The following TLR9 variants were observed in gnomAD, a reference collection of about 807,000 sequenced individuals.
TLR9 encodes toll-like receptor 9.
TLR9 carries 19 observed loss-of-function variants against 24.6 expected under a neutral mutation model. That is an observed-to-expected ratio of 0.77 (90% CI 0.54 to 1.13). The LOEUF is 1.13. Ranked by LOEUF, TLR9 falls within the 50% of genes most tolerant of loss-of-function variation. The pLI is 0.00. For synonymous variants in TLR9, 579 were observed against 609.8 expected (o/e 0.95, Z 0.74); for missense variants, 1,065 against 1,379.6 (o/e 0.77, Z 3.61).
At position 52,221,347 on chromosome 3, in the gene TLR9, T is replaced by C. The variant is rs200488254; in HGVS notation, c.2969A>G (p.Gln990Arg). Residue 990 changes from glutamine (Q) to arginine (R), a missense_variant, in exon 2 of 2, where the codon CAG becomes CGG. Transcript: ENST00000360658. The surrounding 1 kb of genome is among the most constrained non-coding windows in gnomAD (Gnocchi z 9.9). ...YVRLRQRLCRQSVLLWPHQPS... is the reference protein window; with the variant it reads ...YVRLRQRLCRRSVLLWPHQPS... ...CTGGTGGGGCCAGAGGAGGACACTC[T>C]GGCGGCAGAGGCGCTGGCGCAGCCG... The C allele has an allele frequency of 3.2e-6, 5 of 1,582,524 alleles. No individual in the cohort carries two copies. Among genetic ancestry groups the C allele is most frequent in the African/African-American group, 1.3e-5 (1 of 74,154 alleles).
Position 52,224,098 on chromosome 3 carries a change from T to C in TLR9, c.218A>G (p.Asn73Ser). 6.4e-7 allele frequency: 1 copy of C among 1,566,372 alleles called. No individual in the cohort carries two copies. The highest frequency in any genetic ancestry group is 1.2e-5 in the South Asian group (1 of 84,272). The change falls in exon 2 of 2, where the codon AAC (asparagine) becomes AGC (serine). Residue 73 changes from asparagine (N) to serine (S), a missense_variant. Transcript: ENST00000360658. ...AGAATCATGGAGGTGGTGGATGCGGTTGGAGGACAAGGAAAGGCTGGTGAC... is the reference window on the plus strand; with the variant it reads ...AGAATCATGGAGGTGGTGGATGCGGCTGGAGGACAAGGAAAGGCTGGTGAC... ...GNVTSLSLSS[N>S]RIHHLHDSDF...
In TLR9 at chr3:52,221,401, C is replaced by T. The variant is rs1418858521; in HGVS notation, c.2915G>A (p.Ser972Asn). The change falls in exon 2 of 2, where the codon AGC (serine) becomes AAC (asparagine). Residue 972 changes from serine to asparagine, a missense_variant. Transcript: ENST00000360658. This position sits in a 1 kb window ranked among gnomAD's most constrained non-coding sequence, Gnocchi z 9.9. ...RKDVVVLVIL[S>N]PDGRRSRYVR... ...GTAGCGGGAGCGGCGGCCGTCAGGG[C>T]TCAGGATCACCAGCACCACGACGTC... 1.6e-5 allele frequency: 26 copies of T among 1,596,506 alleles called. No homozygotes were observed. The highest frequency in any genetic ancestry group is 2.1e-5 in the Non-Finnish European group (24 of 1,169,496).
At position 52,222,812 on chromosome 3, in the gene TLR9, G is replaced by T; in HGVS notation, c.1504C>A (p.Arg502Ser). 6.2e-7 allele frequency: 1 copy of T among 1,614,036 alleles called. No individual in the cohort carries two copies. The highest frequency in any genetic ancestry group is 8.5e-7 in the Non-Finnish European group (1 of 1,179,958). ...FAQLSHLQCLRLSHNCISQAV... is the reference protein window; with the variant it reads ...FAQLSHLQCLSLSHNCISQAV... The stretch of plus-strand genomic sequence containing the variant: ...TGCGAGATGCAGTTGTGGCTCAGGC[G>T]CAGGCACTGCAGGTGCGAGAGCTGG... Residue 502 changes from arginine (R) to serine (S), a missense_variant, in exon 2 of 2, where the codon CGC becomes AGC. By Grantham distance (110) the Arg-to-Ser change is moderately radical. Coordinates refer to ENST00000360658, the MANE Select transcript of TLR9 (RefSeq NM_017442.4).
Position 52,222,555 on chromosome 3 carries a change from G to C in TLR9, c.1761C>G (p.Ile587Met). The C allele has an allele frequency of 1.2e-6, 2 of 1,614,208 alleles. No individual in the cohort carries two copies. The highest frequency in any genetic ancestry group is 1.7e-6 in the Non-Finnish European group (2 of 1,180,038). ...LRHLSLAHNN[I>M]HSQVSQQLCS... ...AGAGCTGCTGGGACACTTGGCTGTGGATGTTGTTGTGGGCCAGGCTGAGGT... is the reference window on the plus strand; with the variant it reads ...AGAGCTGCTGGGACACTTGGCTGTGCATGTTGTTGTGGGCCAGGCTGAGGT... The change falls in exon 2 of 2, where the codon ATC (isoleucine) becomes ATG (methionine). Residue 587 changes from isoleucine (I) to methionine (M), a missense_variant. By Grantham distance (10) the Ile-to-Met change is conservative. Coordinates refer to ENST00000360658, the MANE Select transcript of TLR9 (RefSeq NM_017442.4).
chr3:52,222,380 G>C lies in TLR9; in HGVS notation c.1936C>G (p.Gln646Glu). 2 of 1,614,214 alleles carry C rather than the reference G, an allele frequency of 1.2e-6. No individual in the cohort carries two copies. Among genetic ancestry groups the C allele is most frequent in the Non-Finnish European group, 8.5e-7 (1 of 1,180,036 alleles). ...SQNRLHTLLP[Q>E]TLRNLPKSLQ... is the part of the protein sequence containing the mutation. ...CTCTTGGGGAGGTTGCGCAGGGTTT[G>C]GGGCAGGAGGGTGTGCAGGCGGTTC... Residue 646 changes from glutamine (Q) to glutamate (E), a missense_variant, in exon 2 of 2, where the codon CAA becomes GAA. Coordinates refer to ENST00000360658, the MANE Select transcript of TLR9 (RefSeq NM_017442.4).
At position 52,222,610 on chromosome 3, in the gene TLR9, C is replaced by T. The variant is rs751217567; in HGVS notation, c.1706G>A (p.Ser569Asn). 1 of 1,614,124 alleles carries T rather than the reference C, an allele frequency of 6.2e-7. No homozygotes were observed. Among genetic ancestry groups the T allele is most frequent in the Non-Finnish European group, 8.5e-7 (1 of 1,180,032 alleles). The change falls in exon 2 of 2, where the codon AGC (serine) becomes AAC (asparagine). Residue 569 changes from serine (S) to asparagine (N), a missense_variant. Ser to Asn is a conservative substitution (Grantham distance 46). Coordinates refer to ENST00000360658, the MANE Select transcript of TLR9 (RefSeq NM_017442.4). Reference protein sequence around the residue: ...FGMQGVGHNFSFVAHLRTLRH... With the variant: ...FGMQGVGHNFNFVAHLRTLRH... ...CAGGGTGCGCAGGTGAGCCACGAAG[C>T]TGAAGTTGTGGCCCACGCCCTGCAT...
Position 52,223,972 on chromosome 3 carries a change from T to C in TLR9, c.344A>G (p.Glu115Gly). The C allele has an allele frequency of 6.3e-7, 1 of 1,594,536 alleles. No individual in the cohort carries two copies. The highest frequency in any genetic ancestry group is 8.6e-7 in the Non-Finnish European group (1 of 1,167,082). ...PMHFPCHMTI[E>G]PSTFLAVPTL... ...GGGCACAGCCAAGAAGGTGCTGGGCTCGATGGTCATGTGGCAGGGGAAGTG... is the reference window on the plus strand; with the variant it reads ...GGGCACAGCCAAGAAGGTGCTGGGCCCGATGGTCATGTGGCAGGGGAAGTG... The change falls in exon 2 of 2, where the codon GAG becomes GGG. Residue 115 changes from glutamate (E) to glycine (G), a missense_variant. Transcript: ENST00000360658.
rs1198423186 is a variant in TLR9 at position 52,221,711 on chromosome 3, G to C, written c.2605C>G (p.Pro869Ala). ...RQSGRDEDAL[P>A]YDAFVVFDKT... Reference sequence around the variant, plus strand: ...TCGAAGACCACGAAGGCATCGTAGGGCAGGGCATCCTCATCTCGCCCACTT... The same window carrying C: ...TCGAAGACCACGAAGGCATCGTAGGCCAGGGCATCCTCATCTCGCCCACTT... The change falls in exon 2 of 2, where the codon CCC becomes GCC. Residue 869 changes from proline to alanine, a missense_variant. Transcript: ENST00000360658. This position sits in a 1 kb window ranked among gnomAD's most constrained non-coding sequence, Gnocchi z 9.9. The C allele has an allele frequency of 6.2e-7, 1 of 1,613,954 alleles. No individual in the cohort carries two copies. The highest frequency in any genetic ancestry group is 1.7e-5 in the Admixed American group (1 of 60,022).
chr3:52,223,662 C>T lies in TLR9; in HGVS notation c.654G>A (p.Leu218=). The T allele has an allele frequency of 6.3e-7, 1 of 1,594,342 alleles. No homozygotes were observed. Among genetic ancestry groups the T allele is most frequent in the Non-Finnish European group, 8.5e-7 (1 of 1,169,694 alleles). The change falls in exon 2 of 2, where the codon CTG becomes CTA. Residue 218 remains leucine, a synonymous_variant. Coordinates refer to ENST00000360658, the MANE Select transcript of TLR9 (RefSeq NM_017442.4). ...YNNLTVVPRN[L]PSSLEYLLLS... is the part of the protein sequence containing the mutation. ...ACAGCAGATACTCCAGGCTGGAAGG[C>T]AGGTTGCGGGGCACCACAGTGAGGT...
rs199821655 is a variant in TLR9 at position 52,221,505 on chromosome 3, C to G, written c.2811G>C (p.Leu937=). 4.3e-6 allele frequency: 7 copies of G among 1,612,976 alleles called. No homozygotes were observed. The South Asian group carries it at 7.7e-5, about 18-fold the overall frequency. ...GACCACTGACCCGGTCCGTGTGGGC[C>G]AGCACAAACAGCGTCTTGCGGCTGC... is the stretch of plus-strand genomic sequence containing the variant. ...VYGSRKTLFV[L]AHTDRVSGLL... Residue 937 remains leucine, a synonymous_variant, in exon 2 of 2, where the codon CTG becomes CTC. Coordinates refer to ENST00000360658, the MANE Select transcript of TLR9 (RefSeq NM_017442.4). This position sits in a 1 kb window ranked among gnomAD's most constrained non-coding sequence, Gnocchi z 9.9.
chr3:52,223,866 G>A lies in TLR9; in HGVS notation c.450C>T (p.Leu150=). The change falls in exon 2 of 2, where the codon CTC becomes CTT. Residue 150 remains leucine (L), a synonymous_variant. Coordinates refer to ENST00000360658, the MANE Select transcript of TLR9 (RefSeq NM_017442.4). The part of the protein sequence containing the change: ...ALPKSLISLS[L]SHTNILMLDS... ...CTAGCATCAGGATGTTGGTATGGCT[G>A]AGGGACAGGGATATGAGGGATTTGG... 6.2e-7 allele frequency: 1 copy of A among 1,612,356 alleles called. No individual in the cohort carries two copies. Among genetic ancestry groups the A allele is most frequent in the Non-Finnish European group, 8.5e-7 (1 of 1,178,960 alleles).
rs905239094 is a variant in TLR9, at chr3:52,223,293, C to T, written c.1023G>A (p.Leu341=). 2 of 1,614,082 alleles carry T rather than the reference C, an allele frequency of 1.2e-6. No individual in the cohort carries two copies. The highest frequency in any genetic ancestry group is 2.7e-5 in the African/African-American group (2 of 74,924). ...QGLTQLRKLN[L]SFNYQKRVSF... is the part of the protein sequence containing the mutation. ...ACACCCTCTTTTGGTAATTGAAGGA[C>T]AGGTTAAGCTTGCGCAGCTGTGTTA... is the stretch of plus-strand genomic sequence containing the variant. The change falls in exon 2 of 2, where the codon CTG becomes CTA. Residue 341 remains leucine, a synonymous_variant. Transcript: ENST00000360658.
In TLR9 at chr3:52,223,770, G is replaced by T. The variant is rs749405730; in HGVS notation, c.546C>A (p.Asn182Lys). 6.4e-7 allele frequency: 1 copy of T among 1,574,406 alleles called. No homozygotes were observed. The highest frequency in any genetic ancestry group is 1.2e-5 in the South Asian group (1 of 85,000). Residue 182 changes from asparagine (N) to lysine (K), a missense_variant, in exon 2 of 2, where the codon AAC (asparagine) becomes AAA (lysine). Transcript: ENST00000360658. The stretch of plus-strand genomic sequence containing the variant: ...CCACCTCCAGTGCCTGCCTGCAGGG[G>T]TTCTTGTAATAACAGTTGCCGTCCA... ...LFMDGNCYYK[N>K]PCRQALEVAP...
In TLR9 at chr3:52,224,311, C is replaced by A; in HGVS notation, c.5G>T (p.Gly2Val). 1 of 1,569,980 alleles carries A rather than the reference C, an allele frequency of 6.4e-7. No individual in the cohort carries two copies. The highest frequency in any genetic ancestry group is 8.6e-7 in the Non-Finnish European group (1 of 1,157,994). ...CGGGTGCAGGGCGCTGCGGCAGAAA[C>A]CCTGTGGGGGTGGGAGGGCTGTGTG... is the stretch of plus-strand genomic sequence containing the variant. MGFCRSALHPLS... is the reference protein window; with the variant it reads MVFCRSALHPLS... The change falls in exon 2 of 2, where the codon GGT becomes GTT. Residue 2 changes from glycine (G) to valine (V), a missense_variant and splice_region_variant. Transcript: ENST00000360658.
At position 52,223,751 on chromosome 3, in the gene TLR9, C is replaced by G; in HGVS notation, c.565G>C (p.Glu189Gln). The part of the protein sequence containing the change: ...YYKNPCRQAL[E>Q]VAPGALLGLG... ...CCAAGGAGGGCACCCGGGGCCACCT[C>G]CAGTGCCTGCCTGCAGGGGTTCTTG... Residue 189 changes from glutamate (E) to glutamine (Q), a missense_variant, in exon 2 of 2, where the codon GAG (glutamate) becomes CAG (glutamine). Transcript: ENST00000360658. The G allele has an allele frequency of 1.3e-6, 2 of 1,568,396 alleles. No individual in the cohort carries two copies. The highest frequency in any genetic ancestry group is 1.7e-6 in the Non-Finnish European group (2 of 1,156,280).
At position 52,222,821 on chromosome 3, in the gene TLR9, G is replaced by A. The variant is rs1013997109; in HGVS notation, c.1495C>T (p.Gln499Ter). ...CAGTTGTGGCTCAGGCGCAGGCACT[G>A]CAGGTGCGAGAGCTGGGCAAACATC... ...PEMFAQLSHLQCLRLSHNCIS... is the reference protein window; with the variant it reads ...PEMFAQLSHL The change falls in exon 2 of 2, where the codon CAG becomes TAG. Residue 499 changes from glutamine to a stop codon, truncating the protein, a stop_gained. Coordinates refer to ENST00000360658, the MANE Select transcript of TLR9 (RefSeq NM_017442.4). LOFTEE classifies it low-confidence loss of function (END_TRUNC). The A allele has an allele frequency of 5.6e-6, 9 of 1,614,018 alleles. No homozygotes were observed. The highest frequency in any genetic ancestry group is 7.6e-6 in the Non-Finnish European group (9 of 1,179,924).
chr3:52,222,513 C>T lies in TLR9; in HGVS notation c.1803G>A (p.Arg601=). The change falls in exon 2 of 2, where the codon CGG becomes CGA. Residue 601 remains arginine (R), a synonymous_variant. Transcript: ENST00000360658. Reference sequence around the variant, plus strand: ...GTGCATTGCCGCTGAAGTCCAGGGCCCGCAGCGACGTACTGCAGAGCTGCT... The same window carrying T: ...GTGCATTGCCGCTGAAGTCCAGGGCTCGCAGCGACGTACTGCAGAGCTGCT... ...VSQQLCSTSL[R]ALDFSGNALG... is the part of the protein sequence containing the mutation. The T allele has an allele frequency of 6.2e-7, 1 of 1,614,236 alleles. No homozygotes were observed. Among genetic ancestry groups the T allele is most frequent in the Non-Finnish European group, 8.5e-7 (1 of 1,180,046 alleles).
chr3:52,221,386 C>G lies in TLR9; in HGVS notation c.2930G>C (p.Arg977Pro). The part of the protein sequence containing the change: ...VLVILSPDGR[R>P]SRYVRLRQRL... ...CTGGCGCAGCCGCACGTAGCGGGAG[C>G]GGCGGCCGTCAGGGCTCAGGATCAC... Residue 977 changes from arginine to proline, a missense_variant, in exon 2 of 2, where the codon CGC becomes CCC. Coordinates refer to ENST00000360658, the MANE Select transcript of TLR9 (RefSeq NM_017442.4). This position sits in a 1 kb window ranked among gnomAD's most constrained non-coding sequence, Gnocchi z 9.9. 1 of 1,589,484 alleles carries G rather than the reference C, an allele frequency of 6.3e-7. No homozygotes were observed.
At position 52,222,086 on chromosome 3, in the gene TLR9, A is replaced by G; in HGVS notation, c.2230T>C (p.Trp744Arg). Residue 744 changes from tryptophan (W) to arginine (R), a missense_variant, in exon 2 of 2, where the codon TGG becomes CGG. Trp to Arg is a moderately radical substitution (Grantham distance 101, BLOSUM62 -3). Coordinates refer to ENST00000360658, the MANE Select transcript of TLR9 (RefSeq NM_017442.4). ...ANALKTVDHS[W>R]FGPLASALQI... ...AGGGCACTCGCCAGGGGCCCAAACC[A>G]GGAGTGGTCCACTGTCTTGAGGGCG... is the stretch of plus-strand genomic sequence containing the variant. 2 of 1,612,658 alleles carry G rather than the reference A, an allele frequency of 1.2e-6. No individual in the cohort carries two copies. The highest frequency in any genetic ancestry group is 1.7e-6 in the Non-Finnish European group (2 of 1,179,248).
Sources: allele counts gnomAD v4.1 joint callset, GRCh38; gene constraint gnomAD v4.1.1; non-coding constraint Gnocchi (gnomAD v3.1); transcripts MANE v1.5; gene names NCBI Gene and HGNC (gene_info 2026-07-23, HGNC 2026-07-21).